The following FAM78B variants were observed in gnomAD, a reference collection of about 807,000 sequenced individuals.
FAM78B encodes the protein protein FAM78B.
Under a neutral mutation model 20.0 loss-of-function variants are expected in FAM78B, and 10 were observed. The observed-to-expected ratio is 0.50, with a 90% confidence interval of 0.31 to 0.85. The LOEUF (loss-of-function observed/expected upper bound fraction) is 0.85, where lower values mean the gene tolerates loss of function less well. Ranked by LOEUF, FAM78B falls within the 40% of genes least tolerant of loss-of-function variation. The probability of loss-of-function intolerance (pLI) is 0.05; values close to 1 mark genes in which losing one functional copy is unlikely to be tolerated. For missense variants in FAM78B, 283 were observed against 345.0 expected (o/e 0.82, Z 1.42); for synonymous variants, 135 against 132.8 (o/e 1.02, Z -0.12).
intron 1 of FAM78B, among the ~76,000 whole-genome samples, chr1:166,137,339 G>C (rs1655104569): frequency 6.6e-6 from 1 of 152,144 alleles, no homozygotes; most frequent in African/African-American, 2.4e-5. Flanking sequence ...AGGACTGAAA[G>C]GACTAAAGAT....
At chr1:166,099,426 C>A (rs1364468412) in intron 1 of FAM78B, among the ~76,000 whole-genome samples, 1 of 152,166 alleles carries the variant, frequency 6.6e-6, no homozygotes, top group Non-Finnish European at 1.5e-5. Context: ...CAAATCAATA[C>A]TAACATTGAA....
intron 1 of FAM78B, among the ~76,000 whole-genome samples, chr1:166,140,988 G>A (rs535661397): frequency 1.3e-5 from 2 of 152,278 alleles, no homozygotes; most frequent in South Asian, 4.2e-4. Flanking sequence ...ACTGCAATCC[G>A]GTCTTTAAAC....
chr1:166,160,974 C>G (rs748280907), intron 1 of FAM78B, among the ~76,000 whole-genome samples: 2 of 152,128 alleles, frequency 1.3e-5, no homozygotes, highest in Non-Finnish European at 2.9e-5. Flanking sequence ...GAGGAGATAG[C>G]GGCTGAGACC....
At chr1:166,080,592 A>G (rs1453173395) in intron 1 of FAM78B, among the ~76,000 whole-genome samples, 1 of 152,210 alleles carries the variant, frequency 6.6e-6, no homozygotes, top group African/African-American at 2.4e-5. Context: ...AGGGTGGGAA[A>G]AGAGGCTTCT....
intron 1 of FAM78B, among the ~76,000 whole-genome samples, chr1:166,104,525 T>C (rs1233932651): frequency 6.6e-6 from 1 of 152,162 alleles, no homozygotes; most frequent in Non-Finnish European, 1.5e-5. Flanking sequence ...ACAAAATCAA[T>C]GTGCAAAAAT....
intron 1 of FAM78B, among the ~76,000 whole-genome samples, chr1:166,128,713 G>A (rs1571188634): frequency 6.6e-6 from 1 of 152,184 alleles, no homozygotes; most frequent in African/African-American, 2.4e-5. Context: ...AGAGAACATG[G>A]CATTGAGTCT....
At chr1:166,126,649 T>C (rs992021178) in intron 1 of FAM78B, among the ~76,000 whole-genome samples, 1 of 151,994 alleles carries the variant, frequency 6.6e-6, no homozygotes, top group African/African-American at 2.4e-5. Context: ...GGAGTGATGA[T>C]GGAGAAGATG....
chr1:166,157,573 A>G (rs1655957468), intron 1 of FAM78B, among the ~76,000 whole-genome samples: 2 of 152,052 alleles, frequency 1.3e-5, no homozygotes, highest in Non-Finnish European at 2.9e-5. Flanking sequence ...GCCTCGAGAA[A>G]AGGAACAGTG....
At chr1:166,077,974 A>T (rs866634964) in intron 1 of FAM78B, among the ~76,000 whole-genome samples, 3 of 1,082 alleles carry the variant, frequency 2.8e-3, no homozygotes, top group African/African-American at 5.4e-3. Flanking sequence ...ATATATAATA[A>T]ATATATATAA....
At chr1:166,164,937 G>A (rs1242650598) in intron 1 of FAM78B, 3 of 152,238 alleles carry the variant, frequency 2.0e-5, no homozygotes, top group Non-Finnish European at 2.9e-5. Context: ...AAACCTTTTA[G>A]CTATTGTCGT....
At chr1:166,088,140 C>G (rs1652910475) in intron 1 of FAM78B, among the ~76,000 whole-genome samples, 1 of 152,176 alleles carries the variant, frequency 6.6e-6, no homozygotes, top group African/African-American at 2.4e-5. Flanking sequence ...CTGGATGGAT[C>G]ATCTCTGCTC....
At chr1:166,056,869 C>T (rs889251133), downstream of FAM78B, among the ~76,000 whole-genome samples, 1 of 152,104 alleles carries the variant, frequency 6.6e-6, no homozygotes, top group Non-Finnish European at 1.5e-5. Context: ...TGTTGAAATC[C>T]TAACCCCCAT....
chr1:166,086,862 G>C (rs1324477742), intron 1 of FAM78B, among the ~76,000 whole-genome samples: 1 of 152,068 alleles, frequency 6.6e-6, no homozygotes, highest in Non-Finnish European at 1.5e-5. Context: ...AATTCACATG[G>C]GTATTATCAA....
rs1433152486 is a variant in FAM78B, at chr1:166,109,890, G to GTATGTATATATA, written c.264-39128_264-39127insTATATATACATA. On this transcript the variant is annotated intron_variant, in intron 1 of 1. Coordinates refer to ENST00000354422, the MANE Select transcript of FAM78B (RefSeq NM_001017961.5). ...TGTGTATATATATATATGTATATATGTATATATATATATATATATATATAT... is the reference window on the plus strand; with the variant it reads ...TGTGTATATATATATATGTATATATGTATGTATATATATATATATATATATATATATATATAT... Among the ~76,000 whole-genome samples, 112 of 23,116 alleles carry GTATGTATATATA rather than the reference G, an allele frequency of 4.8e-3. 10 individuals carry two copies. Among genetic ancestry groups the GTATGTATATATA allele is most frequent in the Non-Finnish European group, 0.011 (99 of 8,722 alleles). 15.2% of individuals were successfully genotyped at this position (23,116 alleles called of 152,430 possible). A position where few individuals can be genotyped will look rare whatever the true frequency, so the allele number is the denominator to read the frequency against.
At chr1:166,102,301 T>C (rs1378982694) in intron 1 of FAM78B, among the ~76,000 whole-genome samples, 2 of 152,202 alleles carry the variant, frequency 1.3e-5, no homozygotes, top group Non-Finnish European at 2.9e-5. Context: ...CTGCATCAAC[T>C]AACGAGCAAA....
intron 1 of FAM78B, among the ~76,000 whole-genome samples, chr1:166,104,137 T>C (rs560899428): frequency 1.3e-5 from 2 of 152,294 alleles, no homozygotes; most frequent in East Asian, 3.9e-4. Context: ...GAAAAGGCTT[T>C]TGACAAAATT....
rs1277436845 is a variant in FAM78B, at chr1:166,105,729, G to A, written c.264-34966C>T. ...CAACAGGTGCTGGAGAGGATGTGGA[G>A]AAATAGGAACACTTTTACACTGTTG... On this transcript the variant is annotated intron_variant, in intron 1 of 1. Transcript: ENST00000354422. Among the ~76,000 whole-genome samples the A allele has an allele frequency of 3.9e-5, 6 of 152,126 alleles. No homozygotes were observed. In the South Asian group the frequency reaches 1.2e-3, roughly 32 times the overall value.
chr1:166,109,890 G>GTATATATGTGTGTATATATATA (rs1557903394), intron 1 of FAM78B, among the ~76,000 whole-genome samples: 1 of 23,192 alleles, frequency 4.3e-5, no homozygotes, highest in Non-Finnish European at 1.1e-4. Flanking sequence ...ATGTATATAT[G>GTATATATGTGTGTATATATATA]TATATATATA....
chr1:166,111,750 T>C (rs1314268341), intron 1 of FAM78B, among the ~76,000 whole-genome samples: 1 of 152,208 alleles, frequency 6.6e-6, no homozygotes, highest in Non-Finnish European at 1.5e-5. Context: ...GTTCACAGCA[T>C]AGTTCTTGGC....
Sources: allele counts gnomAD v4.1 joint callset (sites outside exome capture counted in the v4.1 genomes callset), GRCh38; gene constraint gnomAD v4.1.1; transcripts MANE v1.5; gene names NCBI Gene and HGNC (gene_info 2026-07-23, HGNC 2026-07-21).